Variants in DZIP3 observed in about 807,000 individuals in gnomAD.
The protein encoded by DZIP3 is DAZ interacting zinc finger protein 3.
Under a neutral mutation model 162.0 loss-of-function variants are expected in DZIP3, and 118 were observed. That is an observed-to-expected ratio of 0.73 (90% CI 0.63 to 0.85). The LOEUF (loss-of-function observed/expected upper bound fraction) is 0.85, where lower values mean the gene tolerates loss of function less well. Ranked by LOEUF, DZIP3 falls within the 40% of genes least tolerant of loss-of-function variation. The pLI is 0.00. For synonymous variants in DZIP3, 438 were observed against 458.6 expected (o/e 0.96, Z 0.57); for missense variants, 1,331 against 1,407.0 (o/e 0.95, Z 0.86).
chr3:108,691,188 CTTT>C (rs1355766423), intron 32 of DZIP3: 1 of 226,898 alleles, frequency 4.4e-6, no homozygotes, highest in East Asian at 9.9e-5. Context: ...TTTTTCTTGT[CTTT>C]TTAAATTCTT....
chr3:108,594,481 G>T (rs9837051), intron 1 of DZIP3, among the ~76,000 whole-genome samples: 1,687 of 137,140 alleles, frequency 0.012, 38 homozygotes, highest in African/African-American at 0.044. Context: ...ACATGTGCAG[G>T]TTTGTTACAT....
In DZIP3 at chr3:108,608,099, G is replaced by C. The variant is rs755812365; in HGVS notation, c.43G>C (p.Val15Leu). 2 of 1,612,760 alleles carry C rather than the reference G, an allele frequency of 1.2e-6. No homozygotes were observed. Among genetic ancestry groups the C allele is most frequent in the African/African-American group, 2.7e-5 (2 of 74,978 alleles). The change falls in exon 3 of 33, where the codon GTG (valine) becomes CTG (leucine). Residue 15 changes from valine (V) to leucine (L), a missense_variant. By Grantham distance (32) the Val-to-Leu change is conservative (BLOSUM62 1). Coordinates refer to ENST00000361582, the MANE Select transcript of DZIP3 (RefSeq NM_014648.4). ...PDEFFVRHPA[V>L]EDQRKEETEN... ...TTTCATTTAAAATAGGCATCCTGCT[G>C]TGGAGGATCAGAGGAAGGAAGAAAC...
chr3:108,683,659 CAG>C (rs1397379540), intron 26 of DZIP3, among the ~76,000 whole-genome samples: 1 of 152,150 alleles, frequency 6.6e-6, no homozygotes, highest in Non-Finnish European at 1.5e-5. Context: ...ATCACTATAG[CAG>C]AGTTTATCTC....
chr3:108,620,932 C>T (rs1393789680), intron 5 of DZIP3, among the ~76,000 whole-genome samples: 2 of 152,196 alleles, frequency 1.3e-5, no homozygotes, highest in Admixed American at 1.3e-4. Context: ...AGTGATTCTT[C>T]TGCCTCAGCC....
At chr3:108,679,472 T>G (rs952418380) in intron 26 of DZIP3, among the ~76,000 whole-genome samples, 1 of 152,218 alleles carries the variant, frequency 6.6e-6, no homozygotes, top group Non-Finnish European at 1.5e-5. Flanking sequence ...TTCTGAGGGG[T>G]TCACCTGTAT....
intron 21 of DZIP3, among the ~76,000 whole-genome samples, chr3:108,664,595 CT>C (rs1943589240): frequency 6.6e-6 from 1 of 152,238 alleles, no homozygotes; most frequent in Non-Finnish European, 1.5e-5. Flanking sequence ...TTCATCCTTA[CT>C]CCCTCTCACT....
chr3:108,681,873 T>C (rs1297638625), intron 26 of DZIP3, among the ~76,000 whole-genome samples: 1 of 129,030 alleles, frequency 7.8e-6, no homozygotes, highest in Non-Finnish European at 1.5e-5. Flanking sequence ...AAGTGGGAGT[T>C]GAACAATGAG....
intron 19 of DZIP3, among the ~76,000 whole-genome samples, chr3:108,655,003 C>A (rs1045198039): frequency 1.3e-5 from 2 of 152,116 alleles, no homozygotes; most frequent in Non-Finnish European, 1.5e-5. Flanking sequence ...GTACAACATT[C>A]ATATAATTGT....
chr3:108,684,302 G>T lies in DZIP3; in HGVS notation c.2970G>T (p.Pro990=). 1 of 1,612,786 alleles carries T rather than the reference G, an allele frequency of 6.2e-7. No individual in the cohort carries two copies. ...LTVPQMPAVC[P]GVVSATGQPR... ...TTCCTCAAATGCCTGCAGTTTGCCC[G>T]GGAGTCGTCTCTGCAACTGGCCAAC... Residue 990 remains proline, a synonymous_variant, in exon 27 of 33, where the codon CCG becomes CCT. Coordinates refer to ENST00000361582, the MANE Select transcript of DZIP3 (RefSeq NM_014648.4).
chr3:108,668,975 A>G (rs1378339174), intron 21 of DZIP3, among the ~76,000 whole-genome samples: 1 of 152,000 alleles, frequency 6.6e-6, no homozygotes, highest in Non-Finnish European at 1.5e-5. Context: ...TTGCTTGTGA[A>G]AAGAAATACA....
rs1047188093 is a variant in DZIP3 at position 108,651,062 on chromosome 3, TAAA to T, written c.2008-74_2008-72del. 3 of 542,156 alleles carry T rather than the reference TAAA, an allele frequency of 5.5e-6. No individual in the cohort carries two copies. In the African/African-American group the frequency reaches 6.3e-5, roughly 11 times the overall value. 33.6% of individuals were successfully genotyped at this position (542,156 alleles called of 1,614,324 possible). On this transcript the variant is annotated intron_variant, in intron 17 of 32. Coordinates refer to ENST00000361582, the MANE Select transcript of DZIP3 (RefSeq NM_014648.4). Reference sequence around the variant, plus strand: ...AAAAATTTTTTGAGAAACACTGACCTAAATGTAATTATATTACTAGTATGTTGT... The same window carrying T: ...AAAAATTTTTTGAGAAACACTGACCTTGTAATTATATTACTAGTATGTTGT...
At chr3:108,599,575 A>C (rs1447888448) in intron 1 of DZIP3, among the ~76,000 whole-genome samples, 3 of 152,210 alleles carry the variant, frequency 2.0e-5, no homozygotes, top group African/African-American at 7.2e-5. Flanking sequence ...CATACGAGAA[A>C]TAAAGACTTT....
intron 1 of DZIP3, among the ~76,000 whole-genome samples, chr3:108,597,086 G>C (rs1048606511): frequency 2.0e-5 from 3 of 152,112 alleles, no homozygotes; most frequent in African/African-American, 7.2e-5. Flanking sequence ...ATATTTTTCA[G>C]AAATGTTACC....
chr3:108,607,283 A>T (rs1393373629), intron 2 of DZIP3, among the ~76,000 whole-genome samples: 1 of 152,200 alleles, frequency 6.6e-6, no homozygotes, highest in Non-Finnish European at 1.5e-5. Flanking sequence ...CATATATTAG[A>T]TGATAAATGG....
chr3:108,595,523 T>C (rs757647350), intron 1 of DZIP3, among the ~76,000 whole-genome samples: 1 of 152,186 alleles, frequency 6.6e-6, no homozygotes, highest in Non-Finnish European at 1.5e-5. Context: ...CTGTAAAGTT[T>C]TATTACTTGT....
chr3:108,661,725 T>TG (rs1258451770), intron 19 of DZIP3, 152 bp from the exon 20 acceptor site: 2 of 581,816 alleles, frequency 3.4e-6, no homozygotes, highest in Admixed American at 6.2e-5. Flanking sequence ...TATTAAATGC[T>TG]GTAATTGAGG....
intron 1 of DZIP3, among the ~76,000 whole-genome samples, chr3:108,601,758 C>T (rs991575866): frequency 3.9e-5 from 6 of 152,166 alleles, no homozygotes; most frequent in Admixed American, 3.9e-4. Flanking sequence ...GGTGTTAAAG[C>T]TTGAAACTTG....
At chr3:108,601,449 G>A (rs1053539051) in intron 1 of DZIP3, among the ~76,000 whole-genome samples, 1 of 152,174 alleles carries the variant, frequency 6.6e-6, no homozygotes, top group Non-Finnish European at 1.5e-5. Context: ...CTTAAAAACT[G>A]TATTCCTTTC....
chr3:108,677,355 C>G, intron 25 of DZIP3, 142 bp from the exon 26 acceptor site: 1 of 427,246 alleles, frequency 2.3e-6, no homozygotes, highest in Admixed American at 3.9e-5. Context: ...TTTTTTTGGT[C>G]AGAACCTGTT....
Sources: gnomAD v4.1 joint callset for allele counts (sites outside exome capture counted in the v4.1 genomes callset) on GRCh38, gnomAD v4.1.1 for gene constraint, MANE v1.5 for transcripts, NCBI Gene and HGNC (gene_info 2026-07-23, HGNC 2026-07-21) for gene names.